The following AGMO variants were observed in gnomAD, a reference collection of about 807,000 sequenced individuals.
AGMO encodes the protein glyceryl-ether monooxygenase.
Under a neutral mutation model 60.2 loss-of-function variants are expected in AGMO, and 75 were observed. The ratio of observed to expected loss-of-function variants is 1.25; its 90% confidence interval spans 1.03 to 1.51. The LOEUF is 1.51. AGMO is among the 40% of genes most tolerant of loss of function. AGMO has a pLI of 0.00. For synonymous variants in AGMO, 261 were observed against 177.1 expected (o/e 1.47, Z -3.76); for missense variants, 763 against 525.5 (o/e 1.45, Z -4.42).
At chr7:15,357,217 G>GTGTA (rs1001952201) in intron 12 of AGMO, among the ~76,000 whole-genome samples, 1 of 150,786 alleles carries the variant, frequency 6.6e-6, no homozygotes, top group Non-Finnish European at 1.5e-5. Context: ...GTGTGTGTGT[G>GTGTA]TGTGTGTGTG....
chr7:15,328,233 G>C (rs1781404607), intron 12 of AGMO, among the ~76,000 whole-genome samples: 1 of 152,084 alleles, frequency 6.6e-6, no homozygotes. Flanking sequence ...AAGTAGCTGG[G>C]ATTGCAGGTG....
intron 12 of AGMO, among the ~76,000 whole-genome samples, chr7:15,359,237 C>T (rs887888353): frequency 6.9e-6 from 1 of 145,946 alleles, no homozygotes; most frequent in Non-Finnish European, 1.5e-5. Flanking sequence ...TGCAGTGAGC[C>T]GAGATCACGC....
intron 5 of AGMO, among the ~76,000 whole-genome samples, chr7:15,411,429 C>T (rs1780601418): frequency 6.6e-6 from 1 of 151,876 alleles, no homozygotes; most frequent in Non-Finnish European, 1.5e-5. Context: ...AATCAGGAGC[C>T]AAACTCAGGC....
intron 12 of AGMO, among the ~76,000 whole-genome samples, chr7:15,310,557 G>A (rs1206440786): frequency 6.6e-6 from 1 of 151,986 alleles, no homozygotes; most frequent in Non-Finnish European, 1.5e-5. Flanking sequence ...AATATTTTAA[G>A]TAATAATGTG....
intron 12 of AGMO, among the ~76,000 whole-genome samples, chr7:15,207,488 C>T (rs1395892612): frequency 6.6e-6 from 1 of 152,134 alleles, no homozygotes; most frequent in African/African-American, 2.4e-5. Context: ...AACACCGACA[C>T]ACTTCTATTT....
chr7:15,408,348 T>A (rs1421138298), intron 5 of AGMO, among the ~76,000 whole-genome samples: 2 of 151,804 alleles, frequency 1.3e-5, no homozygotes, highest in Non-Finnish European at 2.9e-5. Context: ...AAAATAATCA[T>A]CACAATTGTT....
intron 12 of AGMO, among the ~76,000 whole-genome samples, chr7:15,266,584 C>T (rs568016831): frequency 2.2e-4 from 34 of 151,846 alleles, no homozygotes; most frequent in African/African-American, 8.0e-4. Context: ...TTGTCAGTTT[C>T]AGCTGCTTTC....
At chr7:15,157,557 C>A in the AGMO span, among the ~76,000 whole-genome samples, 1 of 152,124 alleles carries the variant, frequency 6.6e-6, no homozygotes, top group African/African-American at 2.4e-5. Flanking sequence ...AAACAGTGAA[C>A]CCCGATCCCA....
chr7:15,117,884 C>A, the AGMO span, among the ~76,000 whole-genome samples: 1 of 151,878 alleles, frequency 6.6e-6, no homozygotes, highest in Non-Finnish European at 1.5e-5. Flanking sequence ...CTCCTATCTG[C>A]TGCTCTCAGT....
At chr7:15,447,853 G>A (rs1257793470) in intron 3 of AGMO, among the ~76,000 whole-genome samples, 1 of 152,070 alleles carries the variant, frequency 6.6e-6, no homozygotes, top group African/African-American at 2.4e-5. Context: ...GGCCCAGCCT[G>A]CAATGTTCTC....
At chr7:15,557,755 T>C (rs533186315) in intron 2 of AGMO, among the ~76,000 whole-genome samples, 2 of 152,228 alleles carry the variant, frequency 1.3e-5, no homozygotes, top group South Asian at 2.1e-4. Flanking sequence ...AAAATCCACA[T>C]TTCATAATTT....
At chr7:15,310,913 C>T (rs371840616) in intron 12 of AGMO, among the ~76,000 whole-genome samples, 2 of 152,128 alleles carry the variant, frequency 1.3e-5, no homozygotes, top group East Asian at 1.9e-4. Flanking sequence ...CCTCTTCCAT[C>T]TTCGCAGGAG....
chr7:15,258,455 G>C (rs1377343098), intron 12 of AGMO, among the ~76,000 whole-genome samples: 1 of 151,838 alleles, frequency 6.6e-6, no homozygotes, highest in Admixed American at 6.6e-5. Flanking sequence ...TGAGGCAGGA[G>C]AATCACTTTA....
intron 3 of AGMO, among the ~76,000 whole-genome samples, chr7:15,503,253 A>G (rs551130628): frequency 2.6e-5 from 4 of 152,176 alleles, no homozygotes; most frequent in Admixed American, 2.6e-4. Context: ...GGTGTCAAGC[A>G]TACATTGTGT....
chr7:15,354,289 GATAA>G (rs71004375), intron 12 of AGMO, among the ~76,000 whole-genome samples: 4,309 of 107,442 alleles, frequency 0.04, 178 homozygotes, highest in Non-Finnish European at 0.063. Flanking sequence ...TCACGAATGA[GATAA>G]ATATATATAC....
At chr7:15,131,826 C>CA in the AGMO span, among the ~76,000 whole-genome samples, 1 of 150,540 alleles carries the variant, frequency 6.6e-6, no homozygotes. Flanking sequence ...CACATGGAAG[C>CA]CAAAAGGAGA....
chr7:15,379,909 G>C (rs528701967), intron 10 of AGMO, among the ~76,000 whole-genome samples: 1 of 152,088 alleles, frequency 6.6e-6, no homozygotes, highest in African/African-American at 2.4e-5. Flanking sequence ...AAGACAGAAA[G>C]CATATGATTA....
At chr7:15,141,610 C>CA in the AGMO span, among the ~76,000 whole-genome samples, 5 of 151,852 alleles carry the variant, frequency 3.3e-5, no homozygotes, top group South Asian at 4.2e-4. Context: ...AAACAAAACA[C>CA]AAAAAAACTA....
At chr7:15,190,518 T>C in the AGMO span, among the ~76,000 whole-genome samples, 37 of 151,974 alleles carry the variant, frequency 2.4e-4, no homozygotes, top group African/African-American at 8.0e-4. Context: ...GAAAGGACAA[T>C]AGGCATTAGA....
Sources: gnomAD v4.1 joint callset for allele counts (sites outside exome capture counted in the v4.1 genomes callset) on GRCh38, gnomAD v4.1.1 for gene constraint, MANE v1.5 for transcripts, NCBI Gene and HGNC (gene_info 2026-07-23, HGNC 2026-07-21) for gene names.